The following JAK1 variants were observed in gnomAD, a reference collection of about 807,000 sequenced individuals.
JAK1 encodes the protein tyrosine-protein kinase JAK1.
A neutral mutation model predicts 136.6 loss-of-function variants in JAK1; 16 were observed. That is an observed-to-expected ratio of 0.12 (90% confidence interval 0.08 to 0.18). The LOEUF is 0.18. JAK1 is among the 10% of genes least tolerant of loss of function. The pLI is 1.00. For synonymous variants in JAK1, 492 were observed against 519.5 expected, an observed-to-expected ratio of 0.95 and a Z score of 0.72; for missense variants, 859 against 1,450.1, an observed-to-expected ratio of 0.59 and a Z score of 6.62.
At chr1:64,847,750 A>G (rs1655331027) in intron 12 of JAK1, 75 bp from the exon 13 acceptor site, 2 of 1,517,752 alleles carry the variant, frequency 1.3e-6, no homozygotes, top group South Asian at 1.2e-5. Context: ...TGGGTCCTCA[A>G]TGGGAACATG....
chr1:64,875,420 C>T (rs966286744), intron 4 of JAK1, among the ~76,000 whole-genome samples: 2 of 152,200 alleles, frequency 1.3e-5, no homozygotes, highest in East Asian at 1.9e-4. Flanking sequence ...CGAGCAATGC[C>T]GTGAGCTGTG....
intron 1 of JAK1, among the ~76,000 whole-genome samples, chr1:64,904,933 C>A (rs1249755645): frequency 1.3e-5 from 2 of 152,126 alleles, no homozygotes; most frequent in Non-Finnish European, 2.9e-5. Flanking sequence ...TTACCTACTA[C>A]TCAACAACCC....
chr1:65,011,734 G>C (rs1646850925), intron 2 of JAK1, among the ~76,000 whole-genome samples: 1 of 152,196 alleles, frequency 6.6e-6, no homozygotes, highest in African/African-American at 2.4e-5. Context: ...TGAGGAAGTA[G>C]AATGTCTGAA....
At chr1:64,904,067 CTA>C (rs1645154091) in intron 1 of JAK1, among the ~76,000 whole-genome samples, 1 of 152,178 alleles carries the variant, frequency 6.6e-6, no homozygotes, top group Non-Finnish European at 1.5e-5. Flanking sequence ...TGAGACACTA[CTA>C]TGTGTCAGGC....
chr1:64,863,642 T>C (rs1413295763), intron 8 of JAK1, among the ~76,000 whole-genome samples: 1 of 152,212 alleles, frequency 6.6e-6, no homozygotes, highest in Non-Finnish European at 1.5e-5. Flanking sequence ...TGTATATACA[T>C]GCATACCTAT....
upstream of JAK1, among the ~76,000 whole-genome samples, chr1:64,967,926 C>G (rs991181013): frequency 2.0e-5 from 3 of 152,092 alleles, no homozygotes; most frequent in African/African-American, 7.2e-5. Context: ...TGAACAACAC[C>G]TCAGGGCTGT....
intron 1 of JAK1, among the ~76,000 whole-genome samples, chr1:64,891,142 G>GAA (rs146958141): frequency 4.1e-5 from 6 of 147,868 alleles, no homozygotes; most frequent in Non-Finnish European, 7.5e-5. Flanking sequence ...TCCAGTCAAG[G>GAA]AAAAAAAAAA....
In JAK1 at chr1:65,018,102, C is replaced by T. The variant is rs918382704; in HGVS notation, c.-78+26378G>A. On this transcript the variant is annotated intron_variant, in intron 2 of 25. Coordinates refer to the JAK1 transcript ENST00000671954. ...CTGGGATTACAGGTGTGAGCCACTGCACCTGGCTGTGAACTGTGCCTTTTT... is the reference window on the plus strand; with the variant it reads ...CTGGGATTACAGGTGTGAGCCACTGTACCTGGCTGTGAACTGTGCCTTTTT... 2.0e-5 allele frequency among the ~76,000 whole-genome samples: 3 copies of T among 152,062 alleles called. No homozygotes were observed. In the South Asian group the frequency reaches 6.2e-4, roughly 31 times the overall value.
intron 1 of JAK1, among the ~76,000 whole-genome samples, chr1:65,061,725 T>C (rs983324231): frequency 6.6e-6 from 1 of 152,210 alleles, no homozygotes; most frequent in African/African-American, 2.4e-5. Flanking sequence ...AAATGTCCAA[T>C]ACTGCTTTGT....
At chr1:65,019,938 G>T (rs192864451) in intron 2 of JAK1, among the ~76,000 whole-genome samples, 135 of 148,122 alleles carry the variant, frequency 9.1e-4, no homozygotes, top group African/African-American at 3.2e-3. Context: ...AGAAGAAGAA[G>T]AAGAAGGCAG....
intron 1 of JAK1, among the ~76,000 whole-genome samples, chr1:64,932,504 G>T (rs1279163167): frequency 6.6e-6 from 1 of 152,150 alleles, no homozygotes; most frequent in African/African-American, 2.4e-5. Flanking sequence ...TCGAGGTTGG[G>T]TTCAAACCTA....
intron 8 of JAK1, among the ~76,000 whole-genome samples, chr1:64,861,061 G>A (rs535654609): frequency 1.3e-5 from 2 of 152,066 alleles, no homozygotes; most frequent in Non-Finnish European, 2.9e-5. Context: ...GATGGGAGAA[G>A]AGGAAGCCTG....
In JAK1 at chr1:64,844,949, C is replaced by A; in HGVS notation, c.2116-60G>T. 3 of 1,608,352 alleles carry A rather than the reference C, an allele frequency of 1.9e-6. No homozygotes were observed. The highest frequency in any genetic ancestry group is 1.1e-5 in the South Asian group (1 of 90,472). On this transcript the variant is annotated intron_variant, in intron 15 of 24. Coordinates refer to ENST00000342505, the MANE Select transcript of JAK1 (RefSeq NM_002227.4). The surrounding 1 kb of genome is among the most constrained non-coding windows in gnomAD (Gnocchi z 5.7). ...CTCCTTCCCGCATTCTATTTCCAAC[C>A]CTGGTCCCTCAGGTCATCTCTTCCT...
chr1:65,037,333 G>A (rs1421779411), intron 2 of JAK1, among the ~76,000 whole-genome samples: 1 of 151,978 alleles, frequency 6.6e-6, no homozygotes, highest in African/African-American at 2.4e-5. Context: ...TAGAGATGGG[G>A]GGGGTCTCAT....
At chr1:65,049,772 T>C (rs979554986) in intron 1 of JAK1, among the ~76,000 whole-genome samples, 2 of 152,164 alleles carry the variant, frequency 1.3e-5, no homozygotes, top group Non-Finnish European at 2.9e-5. Context: ...CCACCAAATG[T>C]AGTGTCGCTC....
chr1:64,902,583 A>AGAGAGAGAGAGAGAGAATGT lies in JAK1; in HGVS notation c.-77-16243_-77-16242insACATTCTCTCTCTCTCTCTC. ...GAGAGAGAGAGAGAGAGAGAGAGAG[A>AGAGAGAGAGAGAGAGAATGT]GTGTGTGTGTGTGTGTGTGTGTGTG... On this transcript the variant is annotated intron_variant, in intron 1 of 24. Transcript: ENST00000342505. Among the ~76,000 whole-genome samples, 3 of 73,792 alleles carry AGAGAGAGAGAGAGAGAATGT rather than the reference A, an allele frequency of 4.1e-5. No homozygotes were observed. In the South Asian group the frequency reaches 1.9e-3, roughly 47 times the overall value. The allele number at this position is 73,792 out of a possible 152,430, so 48.4% of individuals were successfully genotyped here.
intron 1 of JAK1, among the ~76,000 whole-genome samples, chr1:64,960,268 C>T (rs1646258752): frequency 6.6e-6 from 1 of 152,210 alleles, no homozygotes; most frequent in South Asian, 2.1e-4. Flanking sequence ...ACATTTTCAG[C>T]TCATGCTGGC....
upstream of JAK1, among the ~76,000 whole-genome samples, chr1:64,969,397 C>A (rs1007815352): frequency 6.7e-6 from 1 of 149,614 alleles, no homozygotes; most frequent in African/African-American, 2.5e-5. Context: ...CTTGTTCCCC[C>A]ATCACACCCC....
chr1:64,858,849 G>A (rs1301200914), intron 9 of JAK1, among the ~76,000 whole-genome samples: 1 of 152,166 alleles, frequency 6.6e-6, no homozygotes, highest in Non-Finnish European at 1.5e-5. Context: ...AGGGAAAGAG[G>A]TATGATTGTA....
Sources: gnomAD v4.1 joint callset for allele counts (sites outside exome capture counted in the v4.1 genomes callset) on GRCh38, gnomAD v4.1.1 for gene constraint, Gnocchi (gnomAD v3.1) non-coding constraint, MANE v1.5 for transcripts, NCBI Gene and HGNC (gene_info 2026-07-23, HGNC 2026-07-21) for gene names.